The following BMERB1 variants were observed in gnomAD, a reference collection of about 807,000 sequenced individuals.
BMERB1 encodes bMERB domain-containing protein 1.
Under a neutral mutation model 23.6 loss-of-function variants are expected in BMERB1, and 12 were observed. The observed-to-expected ratio is 0.51, with a 90% confidence interval of 0.33 to 0.82. The LOEUF is 0.82. Ranked by LOEUF, BMERB1 falls within the 40% of genes least tolerant of loss-of-function variation. The pLI, the probability that BMERB1 is intolerant of heterozygous loss-of-function variation, is 0.03. For missense variants in BMERB1, 247 were observed against 255.4 expected (o/e 0.97, Z 0.22); for synonymous variants, 122 against 96.6 (o/e 1.26, Z -1.54).
rs1011900954 is a variant in BMERB1 at position 15,576,893 on chromosome 16, C to G, written c.305-4324C>G. On this transcript the variant is annotated intron_variant, in intron 3 of 5. Transcript: ENST00000300006. ...GCAAAAGAAAGAGAAAAGGGAACAGCTCTCTCGGTCTCTCTCGAGAAGTCC... is the reference window on the plus strand; with the variant it reads ...GCAAAAGAAAGAGAAAAGGGAACAGGTCTCTCGGTCTCTCTCGAGAAGTCC... Among the ~76,000 whole-genome samples, 3 of 152,114 alleles carry G rather than the reference C, an allele frequency of 2.0e-5. No individual in the cohort carries two copies. In the East Asian group the frequency reaches 5.8e-4, roughly 29 times the overall value.
rs1208231791 is a variant in BMERB1 at position 15,541,637 on chromosome 16, T to C, written c.230+26209T>C. On this transcript the variant is annotated intron_variant, in intron 2 of 5. Transcript: ENST00000300006. ...TTTTTTTTGAGACAGAGTCTTGCTC[T>C]GTCACCCAGGCTGGAGTGCAGTGGC... Among the ~76,000 whole-genome samples the C allele has an allele frequency of 3.4e-5, 5 of 147,736 alleles. No individual in the cohort carries two copies. In the East Asian group the frequency reaches 7.9e-4, roughly 23 times the overall value.
chr16:15,520,474 GTTCTTT>G (rs1309470616), intron 2 of BMERB1, among the ~76,000 whole-genome samples: 3 of 127,914 alleles, frequency 2.3e-5, no homozygotes, highest in Non-Finnish European at 4.7e-5. Flanking sequence ...CATCATAGAT[GTTCTTT>G]TTTTTTTTTT....
chr16:15,515,576 C>A (rs1454075419), intron 2 of BMERB1, 148 bp downstream of exon 2: 2 of 1,186,156 alleles, frequency 1.7e-6, no homozygotes, highest in Non-Finnish European at 2.3e-6. Context: ...TCACCACCAC[C>A]CAGGGAAGTG....
chr16:15,474,507 C>A (rs573785564), intron 1 of BMERB1, among the ~76,000 whole-genome samples: 17 of 151,988 alleles, frequency 1.1e-4, no homozygotes, highest in African/African-American at 3.9e-4. Context: ...GTTGCTAGAA[C>A]TACAGGCATG....
intron 3 of BMERB1, among the ~76,000 whole-genome samples, chr16:15,575,505 C>A (rs1407116743): frequency 6.6e-6 from 1 of 152,004 alleles, no homozygotes; most frequent in African/African-American, 2.4e-5. Context: ...TCCCACAGAC[C>A]CCAAAAGGGA....
In BMERB1 at chr16:15,434,614, A is replaced by C; in HGVS notation, c.-40A>C. 1.3e-6 allele frequency: 2 copies of C among 1,564,412 alleles called. No individual in the cohort carries two copies. Among genetic ancestry groups the C allele is most frequent in the African/African-American group, 2.7e-5 (2 of 74,012 alleles). On this transcript the variant is annotated 5_prime_UTR_variant, in exon 1 of 6. Transcript: ENST00000300006. Reference sequence around the variant, plus strand: ...TCCCTGCAGCCCGCAACGGGAATGGAGTAAAGGGAGACCCGTCGACCTGGC... The same window carrying C: ...TCCCTGCAGCCCGCAACGGGAATGGCGTAAAGGGAGACCCGTCGACCTGGC...
intron 1 of BMERB1, among the ~76,000 whole-genome samples, chr16:15,512,811 G>A (rs982005805): frequency 7.9e-5 from 12 of 151,804 alleles, no homozygotes; most frequent in Non-Finnish European, 1.6e-4. Context: ...TCCGGGAGGC[G>A]GAGGTTGCAG....
intron 3 of BMERB1, among the ~76,000 whole-genome samples, chr16:15,571,421 G>C (rs542307498): frequency 6.6e-6 from 1 of 151,048 alleles, no homozygotes; most frequent in Non-Finnish European, 1.5e-5. Context: ...GCAGTGGCGC[G>C]ATCTCTGCTC....
chr16:15,474,791 C>T (rs759241509), intron 1 of BMERB1, among the ~76,000 whole-genome samples: 12 of 152,014 alleles, frequency 7.9e-5, no homozygotes, highest in Middle Eastern at 3.4e-3. Flanking sequence ...GGTGTTCAAG[C>T]GATTCTCCTG....
chr16:15,435,678 C>G (rs958306407), intron 1 of BMERB1, among the ~76,000 whole-genome samples: 21 of 152,324 alleles, frequency 1.4e-4, no homozygotes, highest in African/African-American at 4.8e-4. Flanking sequence ...CGCTCTGCCC[C>G]AGCACGGATC....
rs537224271 is a variant in BMERB1, at chr16:15,582,663, A to T, written c.420-493A>T. Among the ~76,000 whole-genome samples, 5 of 151,978 alleles carry T rather than the reference A, an allele frequency of 3.3e-5. No individual in the cohort carries two copies. The East Asian group carries it at 9.7e-4, about 29-fold the overall frequency. On this transcript the variant is annotated intron_variant, in intron 4 of 5. Coordinates refer to ENST00000300006, the MANE Select transcript of BMERB1 (RefSeq NM_033201.3). ...GAGCCCAGGAGTTCAAGGCTTCTTG[A>T]GTTACGATTGCACCATTGCACTCCA...
chr16:15,480,991 G>T (rs2051316301), intron 1 of BMERB1, among the ~76,000 whole-genome samples: 1 of 152,164 alleles, frequency 6.6e-6, no homozygotes, highest in Non-Finnish European at 1.5e-5. Flanking sequence ...AATTTCATTA[G>T]AGCATTGTGT....
intron 2 of BMERB1, among the ~76,000 whole-genome samples, chr16:15,532,316 C>T (rs2051975478): frequency 6.6e-6 from 1 of 152,004 alleles, no homozygotes. Context: ...ACTGCAACCT[C>T]TGCCTCCTGG....
intron 1 of BMERB1, among the ~76,000 whole-genome samples, chr16:15,477,272 TA>T (rs2150933910): frequency 6.6e-6 from 1 of 152,202 alleles, no homozygotes; most frequent in South Asian, 2.1e-4. Context: ...CAGACACTTA[TA>T]AAACCATCAG....
chr16:15,584,306 T>C (rs1337277378), intron 5 of BMERB1: 2 of 364,250 alleles, frequency 5.5e-6, no homozygotes, highest in Non-Finnish European at 5.0e-6. Flanking sequence ...ACGCCTGTAA[T>C]GCCAGCACTT....
chr16:15,469,538 A>G lies in BMERB1; in HGVS notation c.106+34779A>G, dbSNP rs190417825. On this transcript the variant is annotated intron_variant, in intron 1 of 5. Transcript: ENST00000300006. Reference sequence around the variant, plus strand: ...TCTTCAAAAATTACCTTGCAGGGGTATTGATAGGAATAGCATTAAACCTAC... The same window carrying G: ...TCTTCAAAAATTACCTTGCAGGGGTGTTGATAGGAATAGCATTAAACCTAC... 2.3e-3 allele frequency among the ~76,000 whole-genome samples: 344 copies of G among 152,306 alleles called. 6 individuals are homozygous for G. Among genetic ancestry groups the G allele is most frequent in the African/African-American group, 7.9e-3 (329 of 41,570 alleles).
At chr16:15,489,983 C>T (rs1817117801) in intron 1 of BMERB1, among the ~76,000 whole-genome samples, 1 of 152,132 alleles carries the variant, frequency 6.6e-6, no homozygotes, top group Non-Finnish European at 1.5e-5. Flanking sequence ...TCTCCTGCCT[C>T]AGCCTTCCGA....
intron 2 of BMERB1, among the ~76,000 whole-genome samples, chr16:15,541,362 C>T (rs9929591): frequency 0.067 from 10,167 of 151,070 alleles, 1,109 homozygotes; most frequent in African/African-American, 0.23. Flanking sequence ...ATAATTCAGT[C>T]GCCAGCCTCC....
At chr16:15,481,490 G>C (rs1046792060) in intron 1 of BMERB1, among the ~76,000 whole-genome samples, 1 of 151,926 alleles carries the variant, frequency 6.6e-6, no homozygotes, top group Non-Finnish European at 1.5e-5. Context: ...TTGTGCCACT[G>C]CATGCCAACC....
Sources: gnomAD v4.1 joint callset for allele counts (sites outside exome capture counted in the v4.1 genomes callset) on GRCh38, gnomAD v4.1.1 for gene constraint, MANE v1.5 for transcripts, NCBI Gene and HGNC (gene_info 2026-07-23, HGNC 2026-07-21) for gene names.